PRTFDC1: variants seen among roughly 807,000 people sequenced by gnomAD.
The protein encoded by PRTFDC1 is phosphoribosyl transferase domain containing 1.
PRTFDC1 carries 38 observed loss-of-function variants against 34.6 expected under a neutral mutation model. That is an observed-to-expected ratio of 1.10 (90% confidence interval 0.85 to 1.44). The LOEUF (loss-of-function observed/expected upper bound fraction) is 1.44, where lower values mean the gene tolerates loss of function less well. Among genes scored for constraint, PRTFDC1 ranks in the 40% most tolerant of loss-of-function variants. The pLI is 0.00. For missense variants in PRTFDC1, 270 were observed against 283.0 expected (o/e 0.95, Z 0.33); for synonymous variants, 93 against 98.1 (o/e 0.95, Z 0.31).
At chr10:24,908,863 G>T in intron 3 of PRTFDC1, 1 of 998,466 alleles carries the variant, frequency 1.0e-6, no homozygotes, top group Non-Finnish European at 1.4e-6. Context: ...AAAACCAGAA[G>T]ACCTCTGGCT....
chr10:24,905,161 A>T (rs978973156), intron 3 of PRTFDC1, among the ~76,000 whole-genome samples: 1 of 151,886 alleles, frequency 6.6e-6, no homozygotes, highest in African/African-American at 2.4e-5. Context: ...AAAAAAAAAA[A>T]AATTAGCCAG....
At position 24,904,087 on chromosome 10, in the gene PRTFDC1, A is replaced by T. The variant is rs150466060; in HGVS notation, c.340-32024T>A. Among the ~76,000 whole-genome samples, 13 of 152,168 alleles carry T rather than the reference A, an allele frequency of 8.5e-5. No individual in the cohort carries two copies. In the East Asian group the frequency reaches 2.5e-3, roughly 29 times the overall value. Reference sequence around the variant, plus strand: ...TTGTTCTATTCTTTCTAAACTGTAAACTGAAAATTTTAGTCTTTCTTTGGG... The same window carrying T: ...TTGTTCTATTCTTTCTAAACTGTAATCTGAAAATTTTAGTCTTTCTTTGGG... On this transcript the variant is annotated intron_variant, in intron 3 of 8. Coordinates refer to ENST00000320152, the MANE Select transcript of PRTFDC1 (RefSeq NM_020200.7).
At chr10:24,945,152 G>A (rs1331705965) in intron 1 of PRTFDC1, among the ~76,000 whole-genome samples, 1 of 152,140 alleles carries the variant, frequency 6.6e-6, no homozygotes, top group East Asian at 1.9e-4. Flanking sequence ...TTTACCACTG[G>A]ATGATGTGTG....
Position 24,865,040 on chromosome 10 carries a change from G to A in PRTFDC1, c.406-6631C>T, listed in dbSNP as rs1391854612. 5.3e-5 allele frequency among the ~76,000 whole-genome samples: 8 copies of A among 152,086 alleles called. No homozygotes were observed. The South Asian group carries it at 6.2e-4, about 12-fold the overall frequency. On this transcript the variant is annotated intron_variant, in intron 4 of 8. Transcript: ENST00000320152. ...CTGAGGCACAAGAATTGCTTAAACCGGAGAGGCAGAGGTTGCAGTGAGCTG... is the reference window on the plus strand; with the variant it reads ...CTGAGGCACAAGAATTGCTTAAACCAGAGAGGCAGAGGTTGCAGTGAGCTG...
rs536230235 is a variant in PRTFDC1, at chr10:24,951,910, G to C, written c.48+618C>G. Among the ~76,000 whole-genome samples the C allele has an allele frequency of 5.3e-5, 8 of 152,270 alleles. No individual in the cohort carries two copies. The South Asian group carries it at 1.7e-3, about 32-fold the overall frequency. On this transcript the variant is annotated intron_variant, in intron 1 of 8. Transcript: ENST00000320152. ...ACATGCATCCTCCCAATTGGCTCCA[G>C]AGCCCAGCTTGCTGTTGCTCCCTTT...
chr10:24,890,273 C>T (rs1848237870), intron 3 of PRTFDC1, among the ~76,000 whole-genome samples: 2 of 152,220 alleles, frequency 1.3e-5, no homozygotes, highest in South Asian at 2.1e-4. Flanking sequence ...TCTAGGCTGC[C>T]GATGAGCAAT....
chr10:24,948,000 C>T (rs1205017891), intron 1 of PRTFDC1, among the ~76,000 whole-genome samples: 1 of 152,178 alleles, frequency 6.6e-6, no homozygotes, highest in Admixed American at 6.5e-5. Flanking sequence ...AGGCCAACCA[C>T]CTCCTATCCA....
chr10:24,853,294 A>G (rs1452726863), intron 7 of PRTFDC1, among the ~76,000 whole-genome samples: 3 of 152,020 alleles, frequency 2.0e-5, no homozygotes, highest in Admixed American at 2.0e-4. Flanking sequence ...AGCCTAGGCA[A>G]CAAAGTGAGA....
At chr10:24,948,362 C>T (rs369075737) in intron 1 of PRTFDC1, among the ~76,000 whole-genome samples, 105 of 152,224 alleles carry the variant, frequency 6.9e-4, no homozygotes, top group African/African-American at 2.4e-3. Context: ...TTTATCTCTC[C>T]CTGAGAAGTA....
chr10:24,935,336 C>T (rs1849033118), intron 3 of PRTFDC1, among the ~76,000 whole-genome samples: 1 of 151,966 alleles, frequency 6.6e-6, no homozygotes, highest in African/African-American at 2.4e-5. Context: ...AGGGATTTAA[C>T]CCAGAAGGAA....
chr10:24,877,979 TAAG>T (rs1847995578), intron 3 of PRTFDC1, among the ~76,000 whole-genome samples: 1 of 151,962 alleles, frequency 6.6e-6, no homozygotes, highest in African/African-American at 2.4e-5. Context: ...AATAAGAGTT[TAAG>T]AAACTTTCCC....
intron 2 of PRTFDC1, among the ~76,000 whole-genome samples, chr10:24,940,791 A>C (rs535705139): frequency 6.6e-6 from 1 of 152,360 alleles, no homozygotes; most frequent in South Asian, 2.1e-4. Flanking sequence ...CCAAATGTAC[A>C]TCAACTGGTC....
intron 3 of PRTFDC1, 59 bp downstream of exon 3, chr10:24,937,125 C>T (rs1849063119): frequency 8.6e-6 from 12 of 1,402,192 alleles, no homozygotes; most frequent in Non-Finnish European, 1.1e-5. Context: ...ATTATTGATT[C>T]TTTTATCCTA....
chr10:24,949,226 A>C (rs1289060664), intron 1 of PRTFDC1, among the ~76,000 whole-genome samples: 1 of 151,998 alleles, frequency 6.6e-6, no homozygotes, highest in Non-Finnish European at 1.5e-5. Context: ...GGTAGCTGGG[A>C]CTACAGGCAT....
At chr10:24,907,414 G>A (rs990152166) in intron 3 of PRTFDC1, among the ~76,000 whole-genome samples, 1 of 151,886 alleles carries the variant, frequency 6.6e-6, no homozygotes, top group Non-Finnish European at 1.5e-5. Context: ...GGTCAACATG[G>A]TGAAACCCCA....
intron 4 of PRTFDC1, among the ~76,000 whole-genome samples, chr10:24,868,460 A>G (rs1470373637): frequency 2.0e-5 from 3 of 152,172 alleles, no homozygotes; most frequent in African/African-American, 7.2e-5. Flanking sequence ...TGTACTTTAA[A>G]TGTAAGTTTA....
intron 3 of PRTFDC1, among the ~76,000 whole-genome samples, chr10:24,883,578 G>A (rs934326904): frequency 1.2e-4 from 18 of 152,228 alleles, no homozygotes; most frequent in East Asian, 3.9e-4. Flanking sequence ...AGATTCAGCC[G>A]CATTGCTTTA....
intron 3 of PRTFDC1, among the ~76,000 whole-genome samples, chr10:24,887,874 A>C (rs1313762813): frequency 6.6e-6 from 1 of 151,370 alleles, no homozygotes; most frequent in Admixed American, 6.6e-5. Context: ...TATATTAGCT[A>C]CCCCTTGTTC....
chr10:24,910,639 A>G (rs1031429721), intron 3 of PRTFDC1, among the ~76,000 whole-genome samples: 1 of 152,182 alleles, frequency 6.6e-6, no homozygotes, highest in African/African-American at 2.4e-5. Flanking sequence ...ACAAAAATAC[A>G]AGCCTACAAA....
Sources: allele counts gnomAD v4.1 joint callset (sites outside exome capture counted in the v4.1 genomes callset), GRCh38; gene constraint gnomAD v4.1.1; transcripts MANE v1.5; gene names NCBI Gene and HGNC (gene_info 2026-07-23, HGNC 2026-07-21).